Variants in DNAH17 observed in about 807,000 individuals in gnomAD.
The protein encoded by DNAH17 is axonemal beta dynein heavy chain 17.
A neutral mutation model predicts 485.6 loss-of-function variants in DNAH17; 376 were observed. The ratio of observed to expected loss-of-function variants is 0.77; its 90% confidence interval spans 0.71 to 0.84. The LOEUF (loss-of-function observed/expected upper bound fraction) is 0.84, where lower values mean the gene tolerates loss of function less well. Among genes scored for constraint, DNAH17 ranks in the 40% least tolerant of loss-of-function variants. The pLI, the probability that DNAH17 is intolerant of heterozygous loss-of-function variation, is 0.00. For synonymous variants in DNAH17, 3,031 were observed against 2,405.9 expected (o/e 1.26, Z -7.60); for missense variants, 6,370 against 5,839.3 (o/e 1.09, Z -2.96).
intron 40 of DNAH17, 44 bp from the exon 41 acceptor site, chr17:78,494,217 T>C (rs1383843223): frequency 6.3e-7 from 1 of 1,580,864 alleles, no homozygotes; most frequent in South Asian, 1.1e-5. Flanking sequence ...TGAAGCAGCT[T>C]TTCTTTCTTC....
rs780741770 is a variant in DNAH17, at chr17:78,434,143, C to T, written c.12111G>A (p.Val4037=). The stretch of plus-strand genomic sequence containing the variant: ...GGGCGCCGAACTTGCGCCTCTCTGC[C>T]ACCACAGCGTGGAAGTAGCACAGGG... The part of the protein sequence containing the change: ...LFALCYFHAV[V]AERRKFGAQG... The change falls in exon 75 of 81, where the codon GTG becomes GTA. Residue 4037 remains valine, a synonymous_variant. Coordinates refer to ENST00000389840, the MANE Select transcript of DNAH17 (RefSeq NM_173628.4). 1.2e-6 allele frequency: 2 copies of T among 1,613,658 alleles called. No individual in the cohort carries two copies. The highest frequency in any genetic ancestry group is 1.1e-5 in the South Asian group (1 of 91,088).
intron 64 of DNAH17, among the ~76,000 whole-genome samples, chr17:78,454,216 G>A (rs1336417283): frequency 1.3e-5 from 2 of 152,226 alleles, no homozygotes; most frequent in African/African-American, 4.8e-5. Context: ...GGCCAAGCGG[G>A]AGGCAACCCC....
chr17:78,427,662 G>A (rs923127926), intron 77 of DNAH17, among the ~76,000 whole-genome samples: 2 of 152,164 alleles, frequency 1.3e-5, no homozygotes, highest in African/African-American at 4.8e-5. Flanking sequence ...ACGTAATAGA[G>A]CCTTTCCACA....
At chr17:78,502,104 G>A (rs1487868239) in intron 33 of DNAH17, 1 of 561,482 alleles carries the variant, frequency 1.8e-6, no homozygotes, top group African/African-American at 1.9e-5. Flanking sequence ...GAAATTCAAG[G>A]CCACGAGAGA....
At position 78,544,100 on chromosome 17, in the gene DNAH17, T is replaced by C. The variant is rs1224158520; in HGVS notation, c.2392-103A>G. 7.9e-6 allele frequency: 12 copies of C among 1,513,508 alleles called. No individual in the cohort carries two copies. In the Admixed American group the frequency reaches 1.1e-4, roughly 14 times the overall value. 93.8% of individuals were successfully genotyped at this position (1,513,508 alleles called of 1,614,324 possible). Reference sequence around the variant, plus strand: ...TGATGTGAGTTTCGTCACTGCTGCCTGATCTTGGATTGGAGTCTAGTTCTC... The same window carrying C: ...TGATGTGAGTTTCGTCACTGCTGCCCGATCTTGGATTGGAGTCTAGTTCTC... On this transcript the variant is annotated intron_variant, in intron 16 of 80. Transcript: ENST00000389840.
At chr17:78,577,091 T>TG (rs1479955967) in intron 1 of DNAH17, among the ~76,000 whole-genome samples, 1 of 151,972 alleles carries the variant, frequency 6.6e-6, no homozygotes, top group Non-Finnish European at 1.5e-5. Context: ...TCTGGAGCCC[T>TG]GGAAGGGGTC....
intron 29 of DNAH17, 52 bp from the exon 30 acceptor site, chr17:78,506,898 T>A (rs1366134491): frequency 6.2e-7 from 1 of 1,606,574 alleles, no homozygotes; most frequent in Non-Finnish European, 8.5e-7. Context: ...TCTGTAGGGA[T>A]GTCTGCCACC....
chr17:78,546,804 G>C lies in DNAH17; in HGVS notation c.2392-2807C>G, dbSNP rs2091775511. Among the ~76,000 whole-genome samples the C allele has an allele frequency of 2.6e-5, 4 of 152,170 alleles. No homozygotes were observed. In the South Asian group the frequency reaches 6.2e-4, roughly 24 times the overall value. ...GCCTGTAATCCCAGCTATTTGGGAG[G>C]CTGAAGCAGGAGAATCGCTTGAACC... is the stretch of plus-strand genomic sequence containing the variant. On this transcript the variant is annotated intron_variant, in intron 16 of 80. Coordinates refer to ENST00000389840, the MANE Select transcript of DNAH17 (RefSeq NM_173628.4).
chr17:78,520,550 T>C (rs1399850328), intron 25 of DNAH17, among the ~76,000 whole-genome samples: 1 of 152,178 alleles, frequency 6.6e-6, no homozygotes, highest in Admixed American at 6.5e-5. Flanking sequence ...CACATAAAAA[T>C]TATTCACATT....
chr17:78,451,308 G>T (rs538153579), intron 66 of DNAH17, among the ~76,000 whole-genome samples, 161 bp downstream of exon 66: 1 of 152,254 alleles, frequency 6.6e-6, no homozygotes, highest in Non-Finnish European at 1.5e-5. Flanking sequence ...CCATCCTGTC[G>T]TATGAGAAGC....
intron 22 of DNAH17, 124 bp downstream of exon 22, chr17:78,529,348 G>T: frequency 1.1e-6 from 1 of 941,824 alleles, no homozygotes; most frequent in Non-Finnish European, 1.6e-6. Flanking sequence ...ATGGGGATCT[G>T]ATGTCCAGAG....
At chr17:78,571,851 T>C in intron 3 of DNAH17, 69 bp from the exon 4 acceptor site, 3 of 1,431,750 alleles carry the variant, frequency 2.1e-6, no homozygotes, top group Non-Finnish European at 1.9e-6. Context: ...AGCTCTCCCA[T>C]GAATCCTTCT....
At position 78,532,706 on chromosome 17, in the gene DNAH17, C is replaced by G. The variant is rs750645695; in HGVS notation, c.2890G>C (p.Glu964Gln). 1 of 1,593,880 alleles carries G rather than the reference C, an allele frequency of 6.3e-7. No individual in the cohort carries two copies. The highest frequency in any genetic ancestry group is 8.6e-7 in the Non-Finnish European group (1 of 1,168,960). Residue 964 changes from glutamate (E) to glutamine (Q), a missense_variant, in exon 20 of 81, where the codon GAG becomes CAG. Transcript: ENST00000389840. ...AGGCTGGACACCTCCTCCCTCATCT[C>G]TATGAGGTCTGTGTTATCTTCCAGG... Reference protein sequence around the residue: ...MDLEDNTDLIEMREEVSSLVI... With the variant: ...MDLEDNTDLIQMREEVSSLVI...
chr17:78,537,172 C>G (rs1375206245), intron 19 of DNAH17, 127 bp downstream of exon 19: 1 of 1,034,296 alleles, frequency 9.7e-7, no homozygotes, highest in Non-Finnish European at 1.3e-6. Context: ...AGTGAGATTC[C>G]GTCTCAAAAA....
At chr17:78,496,334 T>C (rs917110869) in intron 37 of DNAH17, among the ~76,000 whole-genome samples, 2 of 145,482 alleles carry the variant, frequency 1.4e-5, no homozygotes, top group Admixed American at 7.0e-5. Context: ...CCTGTCTCAA[T>C]AAAAAATACA....
At position 78,449,500 on chromosome 17, in the gene DNAH17, C is replaced by T. The variant is rs760488346; in HGVS notation, c.11125G>A (p.Glu3709Lys). ...VKQRVINLTD[E>K]ITYSVYMYTA... ...TACATGTAGACGGAGTAGGTGATCT[C>T]GTCCGTCAGGTTGATCACCCGCTGC... Residue 3709 changes from glutamate (E) to lysine (K), a missense_variant, in exon 69 of 81, where the codon GAG becomes AAG. Glu to Lys is a moderately conservative substitution (Grantham distance 56, BLOSUM62 1). Coordinates refer to ENST00000389840, the MANE Select transcript of DNAH17 (RefSeq NM_173628.4). 6.3e-6 allele frequency: 10 copies of T among 1,582,904 alleles called. No homozygotes were observed. The highest frequency in any genetic ancestry group is 1.3e-5 in the African/African-American group (1 of 74,418).
In DNAH17 at chr17:78,429,171, C is replaced by T. The variant is rs1216786488; in HGVS notation, c.12355G>A (p.Asp4119Asn). Reference protein sequence around the residue: ...EYIRTEMLEGDVLLAPGFQIP... With the variant: ...EYIRTEMLEGNVLLAPGFQIP... ...TGAAAGCCGGGGGCCAGCAGGACGT[C>T]TCCCTCCAGCATCTCCGTCCGGATG... Residue 4119 changes from aspartate (D) to asparagine (N), a missense_variant, in exon 76 of 81, where the codon GAC (aspartate) becomes AAC (asparagine). Physicochemically the swap from Asp to Asn is conservative, Grantham distance 23 (BLOSUM62 1). Transcript: ENST00000389840. The T allele has an allele frequency of 6.2e-7, 1 of 1,613,796 alleles. No individual in the cohort carries two copies. Among genetic ancestry groups the T allele is most frequent in the Admixed American group, 1.7e-5 (1 of 60,014 alleles).
At position 78,532,515 on chromosome 17, in the gene DNAH17, C is replaced by G; in HGVS notation, c.3081G>C (p.Lys1027Asn). 6.2e-7 allele frequency: 1 copy of G among 1,611,192 alleles called. No individual in the cohort carries two copies. Among genetic ancestry groups the G allele is most frequent in the Non-Finnish European group, 8.5e-7 (1 of 1,179,052 alleles). ...GGAACTGAGCCAGGGTGGGCGGTGT[C>G]TTGGGGATGGTGTCATCTGTCCAGG... ...LDTWTDDTIP[K>N]TPPTLAQFQE... Residue 1027 changes from lysine (K) to asparagine (N), a missense_variant, in exon 20 of 81, where the codon AAG (lysine) becomes AAC (asparagine). By Grantham distance (94) the Lys-to-Asn change is moderately conservative (BLOSUM62 0). Coordinates refer to ENST00000389840, the MANE Select transcript of DNAH17 (RefSeq NM_173628.4).
rs760634114 is a variant in DNAH17 at position 78,437,722 on chromosome 17, C to T, written c.11952G>A (p.Leu3984=). The change falls in exon 74 of 81, where the codon CTG becomes CTA. Residue 3984 remains leucine, a synonymous_variant. Coordinates refer to ENST00000389840, the MANE Select transcript of DNAH17 (RefSeq NM_173628.4). ...PETHIIPQGI[L]ENAIKITNEP... ...CGTTGGTGATCTTGATGGCGTTCTCCAGAATGCCCTGGGGGATGATGTGGG... is the reference window on the plus strand; with the variant it reads ...CGTTGGTGATCTTGATGGCGTTCTCTAGAATGCCCTGGGGGATGATGTGGG... 21 of 1,612,378 alleles carry T rather than the reference C, an allele frequency of 1.3e-5. No homozygotes were observed. Among genetic ancestry groups the T allele is most frequent in the Non-Finnish European group, 1.6e-5 (19 of 1,179,774 alleles).
Sources: gnomAD v4.1 joint callset for allele counts (sites outside exome capture counted in the v4.1 genomes callset) on GRCh38, gnomAD v4.1.1 for gene constraint, MANE v1.5 for transcripts, NCBI Gene and HGNC (gene_info 2026-07-23, HGNC 2026-07-21) for gene names.